SRPRB: variants seen among roughly 807,000 people sequenced by gnomAD.
SRPRB encodes the protein signal recognition particle receptor subunit beta.
A neutral mutation model predicts 31.9 loss-of-function variants in SRPRB; 20 were observed. The observed-to-expected ratio is 0.63, with a 90% CI of 0.44 to 0.91. SRPRB has a LOEUF of 0.91. Among genes scored for constraint, SRPRB ranks in the 40% least tolerant of loss-of-function variants. The probability of loss-of-function intolerance (pLI) is 0.00; values close to 1 mark genes in which losing one functional copy is unlikely to be tolerated. For synonymous variants in SRPRB, 146 were observed against 132.8 expected, an observed-to-expected ratio of 1.10 and a Z score of -0.68; for missense variants, 321 against 324.9, an observed-to-expected ratio of 0.99 and a Z score of 0.09.
intron 1 of SRPRB, chr3:133,790,728 T>C (rs956922678): frequency 6.6e-6 from 1 of 152,248 alleles, no homozygotes; most frequent in African/African-American, 2.4e-5. Flanking sequence ...CATACATGCT[T>C]GCATTGCTTC....
intron 1 of SRPRB, chr3:133,791,529 T>C (rs1274564596): frequency 2.0e-5 from 3 of 152,182 alleles, no homozygotes; most frequent in Non-Finnish European, 2.9e-5. Context: ...TTATCTCCTC[T>C]GTAAAGTTTT....
chr3:133,816,331 C>T (rs1003039823), intron 5 of SRPRB, among the ~76,000 whole-genome samples: 2 of 152,170 alleles, frequency 1.3e-5, no homozygotes, highest in Admixed American at 1.3e-4. Context: ...ATGCAATTAG[C>T]GTCATTACCT....
intron 2 of SRPRB, among the ~76,000 whole-genome samples, chr3:133,807,441 A>G (rs1174538401): frequency 1.3e-5 from 2 of 151,814 alleles, no homozygotes; most frequent in Non-Finnish European, 2.9e-5. Context: ...TTTTGTAGAG[A>G]TGAGATTTTG....
intron 1 of SRPRB, chr3:133,788,419 G>A (rs1475830716): frequency 6.6e-6 from 1 of 152,182 alleles, no homozygotes; most frequent in Non-Finnish European, 1.5e-5. Context: ...CTAAGCACAG[G>A]CCTTCTCCCA....
At chr3:133,817,529 G>T (rs1315880971) in intron 6 of SRPRB, among the ~76,000 whole-genome samples, 1 of 152,054 alleles carries the variant, frequency 6.6e-6, no homozygotes. Flanking sequence ...TTTGTAAATT[G>T]AGCTATAAGC....
intron 3 of SRPRB, 78 bp downstream of exon 3, chr3:133,807,901 A>T: frequency 9.8e-7 from 1 of 1,016,674 alleles, no homozygotes; most frequent in Admixed American, 2.2e-5. Flanking sequence ...TTTTAGGATG[A>T]GTTCATCTGA....
At chr3:133,824,780 A>AAAAG (rs1398037535), downstream of SRPRB, 1 of 152,138 alleles carries the variant, frequency 6.6e-6, no homozygotes, top group East Asian at 1.9e-4. Flanking sequence ...GTCCTAACCA[A>AAAAG]AAAGAGTAGA....
At chr3:133,792,279 A>G (rs1934858629) in intron 1 of SRPRB, 1 of 152,212 alleles carries the variant, frequency 6.6e-6, no homozygotes. Flanking sequence ...TTGTTAAAAA[A>G]GAGGGATGTT....
At chr3:133,811,804 G>A (rs375037892) in intron 4 of SRPRB, among the ~76,000 whole-genome samples, 10 of 151,996 alleles carry the variant, frequency 6.6e-5, no homozygotes, top group Admixed American at 4.6e-4. Context: ...GGCTTGTCTC[G>A]AACTCCTGAC....
In SRPRB at chr3:133,808,016, T is replaced by C. The variant is rs113742682; in HGVS notation, c.327+193T>C. Among the ~76,000 whole-genome samples the C allele has an allele frequency of 3.3e-5, 5 of 152,356 alleles. 1 individual carries two copies. Among genetic ancestry groups the C allele is most frequent in the Admixed American group, 6.5e-5 (1 of 15,312 alleles). On this transcript the variant is annotated intron_variant, in intron 3 of 6. Transcript: ENST00000678299. ...AGATTTAATCATGCCCTCCTCTGCATTGTTGTACCTTAATGTACAGTAATG... is the reference window on the plus strand; with the variant it reads ...AGATTTAATCATGCCCTCCTCTGCACTGTTGTACCTTAATGTACAGTAATG...
At chr3:133,814,195 G>C (rs890427456) in intron 4 of SRPRB, among the ~76,000 whole-genome samples, 3 of 150,850 alleles carry the variant, frequency 2.0e-5, no homozygotes, top group Non-Finnish European at 4.4e-5. Context: ...GCAGTGGCGC[G>C]ATCTTGGCTC....
At chr3:133,811,242 C>T in intron 4 of SRPRB, 43 bp downstream of exon 4, 1 of 1,588,596 alleles carries the variant, frequency 6.3e-7, no homozygotes. Context: ...AGGTCTGTAT[C>T]TGTATATCAA....
chr3:133,809,383 T>G (rs1243273473), intron 3 of SRPRB, among the ~76,000 whole-genome samples: 2 of 152,190 alleles, frequency 1.3e-5, no homozygotes, highest in South Asian at 2.1e-4. Flanking sequence ...GTTTGAGACC[T>G]TTTCTTCTTC....
intron 5 of SRPRB, 111 bp from the exon 6 acceptor site, chr3:133,816,764 TAAA>T: frequency 1.3e-6 from 1 of 761,008 alleles, no homozygotes; most frequent in South Asian, 2.5e-5. Flanking sequence ...GGTCTTTTTT[TAAA>T]AAAAGAGAAA....
At chr3:133,824,627 TCAAA>T (rs898089358), downstream of SRPRB, 1 of 152,204 alleles carries the variant, frequency 6.6e-6, no homozygotes, top group Non-Finnish European at 1.5e-5. Flanking sequence ...ATAGTTCATG[TCAAA>T]CAAAAATTCA....
chr3:133,787,531 A>T (rs1934718562), intron 1 of SRPRB: 1 of 152,268 alleles, frequency 6.6e-6, no homozygotes, highest in African/African-American at 2.4e-5. Context: ...TGATGTATTT[A>T]AAAGTAGAAA....
upstream of SRPRB, among the ~76,000 whole-genome samples, chr3:133,801,416 T>C (rs1488483124): frequency 1.3e-5 from 2 of 152,226 alleles, no homozygotes; most frequent in Non-Finnish European, 2.9e-5. Flanking sequence ...TTCCTGAGAA[T>C]GGGAGTGCTA....
In SRPRB at chr3:133,805,985, C is replaced by A. The variant is rs144338029; in HGVS notation, c.137C>A (p.Ala46Glu). The change falls in exon 1 of 7, where the codon GCG becomes GAG. Residue 46 changes from alanine to glutamate, a missense_variant. By Grantham distance (107) the Ala-to-Glu change is moderately radical. Transcript: ENST00000678299. ...TTGTCAGTAGTGGTGGCGGTTCTTG[C>A]GGTGCTGCTGACGCTAGGTAAAAGG... ...TLLSVVVAVL[A>E]VLLTLVFWKL... The A allele has an allele frequency of 6.2e-7, 1 of 1,612,602 alleles. No homozygotes were observed. The highest frequency in any genetic ancestry group is 1.3e-5 in the African/African-American group (1 of 74,816).
At chr3:133,798,730 T>C (rs1935017695) in intron 1 of SRPRB, among the ~76,000 whole-genome samples, 1 of 152,132 alleles carries the variant, frequency 6.6e-6, no homozygotes, top group Admixed American at 6.6e-5. Context: ...CTCAATCCCA[T>C]AAATTTGGAT....
Sources: allele counts gnomAD v4.1 joint callset (sites outside exome capture counted in the v4.1 genomes callset), GRCh38; gene constraint gnomAD v4.1.1; transcripts MANE v1.5; gene names NCBI Gene and HGNC (gene_info 2026-07-23, HGNC 2026-07-21).